The following BCAS3 variants were observed in gnomAD, a reference collection of about 807,000 sequenced individuals.
The protein encoded by BCAS3 is BCAS4/BCAS3 fusion.
BCAS3 carries 53 observed loss-of-function variants against 116.1 expected under a neutral mutation model. The ratio of observed to expected loss-of-function variants is 0.46; its 90% CI spans 0.37 to 0.57. The LOEUF (loss-of-function observed/expected upper bound fraction) is 0.57, where lower values mean the gene tolerates loss of function less well. BCAS3 is among the 20% of genes least tolerant of loss of function. The probability of loss-of-function intolerance (pLI) is 0.00; values close to 1 mark genes in which losing one functional copy is unlikely to be tolerated. For synonymous variants in BCAS3, 391 were observed against 408.2 expected, an observed-to-expected ratio of 0.96 and a Z score of 0.51; for missense variants, 917 against 1,165.4, an observed-to-expected ratio of 0.79 and a Z score of 3.10.
In BCAS3 at chr17:61,368,277, T is replaced by G; in HGVS notation, c.2426-50T>G. ...GGGTGGGAGGTAGACAAGAATGGCC[T>G]GCTCCCTGAAGGTGTGGACTCAACG... On this transcript the variant is annotated intron_variant, in intron 22 of 23. Coordinates refer to ENST00000407086, the MANE Select transcript of BCAS3 (RefSeq NM_017679.5). This position sits in a 1 kb window ranked among gnomAD's most constrained non-coding sequence, Gnocchi z 6.0. The G allele has an allele frequency of 1.3e-6, 2 of 1,537,232 alleles. No individual in the cohort carries two copies. The highest frequency in any genetic ancestry group is 1.8e-6 in the Non-Finnish European group (2 of 1,132,880).
intron 14 of BCAS3, among the ~76,000 whole-genome samples, chr17:60,963,421 C>A (rs1478414291): frequency 6.6e-6 from 1 of 151,566 alleles, no homozygotes; most frequent in Non-Finnish European, 1.5e-5. Flanking sequence ...TCATAGTTTT[C>A]TTTTTATAGA....
At chr17:60,879,687 T>C (rs1366797213) in intron 9 of BCAS3, among the ~76,000 whole-genome samples, 2 of 152,240 alleles carry the variant, frequency 1.3e-5, no homozygotes, top group Non-Finnish European at 1.5e-5. Context: ...TCTTGTTCCA[T>C]TGGCCTCTGT....
chr17:60,954,270 G>A (rs1455691843), intron 14 of BCAS3, among the ~76,000 whole-genome samples: 2 of 152,154 alleles, frequency 1.3e-5, no homozygotes, highest in Non-Finnish European at 2.9e-5. Flanking sequence ...CCACAGTCCT[G>A]TAGTATAGTT....
intron 10 of BCAS3, among the ~76,000 whole-genome samples, chr17:60,900,533 C>G (rs748108024): frequency 6.6e-6 from 1 of 152,172 alleles, no homozygotes; most frequent in South Asian, 2.1e-4. Context: ...CCTGTTAGTT[C>G]TCTGTTGAAT....
intron 10 of BCAS3, among the ~76,000 whole-genome samples, chr17:60,895,386 G>T (rs970993991): frequency 6.6e-6 from 1 of 152,058 alleles, no homozygotes; most frequent in Admixed American, 6.5e-5. Context: ...TTGTATTTCT[G>T]TGGTATCAGT....
intron 7 of BCAS3, among the ~76,000 whole-genome samples, chr17:60,811,682 C>T (rs955808646): frequency 1.3e-5 from 2 of 152,108 alleles, no homozygotes; most frequent in Non-Finnish European, 2.9e-5. Flanking sequence ...AATAGATAAT[C>T]TCAACAAGGA....
rs1028267922 is a variant in BCAS3 at position 61,388,660 on chromosome 17, TC to T, written c.2594-3315del. 6.5e-5 allele frequency: 101 copies of T among 1,545,094 alleles called. No individual in the cohort carries two copies. The highest frequency in any genetic ancestry group is 1.2e-4 in the East Asian group (5 of 41,404). On this transcript the variant is annotated intron_variant, in intron 23 of 23. Coordinates refer to ENST00000407086, the MANE Select transcript of BCAS3 (RefSeq NM_017679.5). This position sits in a 1 kb window ranked among gnomAD's most constrained non-coding sequence, Gnocchi z 6.5. ...AAAAAACAATGCCAACAGCCCAGCG[TC>T]CGTGAGCAACCCAACAGTAACAAAG...
In BCAS3 at chr17:60,794,375, GT is replaced by G. The variant is rs770728846; in HGVS notation, c.404-13627del. 1.3e-3 allele frequency among the ~76,000 whole-genome samples: 200 copies of G among 152,158 alleles called. 1 individual carries two copies. The highest frequency in any genetic ancestry group is 1.5e-3 in the Non-Finnish European group (105 of 67,984). On this transcript the variant is annotated intron_variant, in intron 6 of 23. Coordinates refer to ENST00000407086, the MANE Select transcript of BCAS3 (RefSeq NM_017679.5). ...GGATTGTCTATTTGCTTTTCTGACT[GT>G]TCCTTTTGCTATGCGAAAGCTCTTT... is the stretch of plus-strand genomic sequence containing the variant.
At chr17:61,207,718 C>A (rs1422567217) in intron 22 of BCAS3, among the ~76,000 whole-genome samples, 1 of 152,126 alleles carries the variant, frequency 6.6e-6, no homozygotes, top group African/African-American at 2.4e-5. Flanking sequence ...ACCCAAATTT[C>A]TATGTTGCTT....
chr17:61,195,543 C>CTTT (rs112302026), intron 22 of BCAS3, among the ~76,000 whole-genome samples: 2 of 81,362 alleles, frequency 2.5e-5, no homozygotes, highest in Non-Finnish European at 3.7e-5. Flanking sequence ...CTTTTTCTTT[C>CTTT]TTTTTTTTTT....
intron 15 of BCAS3, among the ~76,000 whole-genome samples, chr17:61,005,627 G>A (rs1043916585): frequency 6.6e-6 from 1 of 151,880 alleles, no homozygotes; most frequent in Non-Finnish European, 1.5e-5. Flanking sequence ...AACAGTCATG[G>A]GTAAAAAGAA....
chr17:60,742,026 A>C (rs1166786681), intron 5 of BCAS3, among the ~76,000 whole-genome samples: 4 of 152,116 alleles, frequency 2.6e-5, no homozygotes, highest in Non-Finnish European at 1.5e-5. Context: ...GGGATTTGGG[A>C]TGTTATTATA....
At chr17:60,901,051 A>G (rs1188621643) in intron 10 of BCAS3, among the ~76,000 whole-genome samples, 1 of 152,072 alleles carries the variant, frequency 6.6e-6, no homozygotes, top group Non-Finnish European at 1.5e-5. Context: ...TCTACTAAAA[A>G]TAAACAAAAA....
Position 61,203,030 on chromosome 17 carries a change from G to A in BCAS3, c.2425+118466G>A, listed in dbSNP as rs150008445. ...TATTAAATTTTGTGTGGTTGCTGAA[G>A]AAGTTTACTGTGCACTAGCTCTCTC... On this transcript the variant is annotated intron_variant, in intron 22 of 23. Coordinates refer to ENST00000407086, the MANE Select transcript of BCAS3 (RefSeq NM_017679.5). The surrounding 1 kb of genome is among the most constrained non-coding windows in gnomAD (Gnocchi z 5.7). Among the ~76,000 whole-genome samples, 1 of 152,124 alleles carries A rather than the reference G, an allele frequency of 6.6e-6. No homozygotes were observed. Among genetic ancestry groups the A allele is most frequent in the African/African-American group, 2.4e-5 (1 of 41,438 alleles).
At chr17:61,108,232 C>A (rs1294947947) in intron 22 of BCAS3, among the ~76,000 whole-genome samples, 1 of 152,078 alleles carries the variant, frequency 6.6e-6, no homozygotes, top group Non-Finnish European at 1.5e-5. Flanking sequence ...GGTAGCCACC[C>A]CCACTTTCCT....
At chr17:60,976,215 C>T (rs978600566) in intron 14 of BCAS3, among the ~76,000 whole-genome samples, 4 of 150,242 alleles carry the variant, frequency 2.7e-5, no homozygotes, top group African/African-American at 9.7e-5. Context: ...TAGTAGAGAT[C>T]GGGTTTCACC....
At chr17:61,369,833 G>T (rs975901173) in intron 23 of BCAS3, among the ~76,000 whole-genome samples, 3 of 152,260 alleles carry the variant, frequency 2.0e-5, no homozygotes, top group African/African-American at 7.2e-5. Flanking sequence ...TCCCCTGGAA[G>T]GGGGCCTAAG....
At chr17:60,731,210 CTTGT>C (rs1044612013) in intron 5 of BCAS3, among the ~76,000 whole-genome samples, 5 of 151,442 alleles carry the variant, frequency 3.3e-5, no homozygotes, top group Admixed American at 2.6e-4. Context: ...TGTTTTTTTG[CTTGT>C]TTGTTTGTTT....
chr17:61,370,650 G>A (rs990009369), intron 23 of BCAS3, among the ~76,000 whole-genome samples: 1 of 152,204 alleles, frequency 6.6e-6, no homozygotes, highest in Non-Finnish European at 1.5e-5. Flanking sequence ...GCCTCCCAGA[G>A]AGCTGGGATT....
Sources: allele counts gnomAD v4.1 joint callset (sites outside exome capture counted in the v4.1 genomes callset), GRCh38; gene constraint gnomAD v4.1.1; non-coding constraint Gnocchi (gnomAD v3.1); transcripts MANE v1.5; gene names NCBI Gene and HGNC (gene_info 2026-07-23, HGNC 2026-07-21).